The following PRKCB variants were observed in gnomAD, a reference collection of about 807,000 sequenced individuals.
The protein encoded by PRKCB is protein kinase C beta type.
A neutral mutation model predicts 81.5 loss-of-function variants in PRKCB; 13 were observed. That is an observed-to-expected ratio of 0.16 (90% CI 0.10 to 0.25). The LOEUF (loss-of-function observed/expected upper bound fraction) is 0.25. PRKCB is among the 10% of genes least tolerant of loss of function. PRKCB has a pLI of 1.00. For missense variants in PRKCB, 509 were observed against 875.7 expected, an observed-to-expected ratio of 0.58 and a Z score of 5.29; for synonymous variants, 335 against 321.4, an observed-to-expected ratio of 1.04 and a Z score of -0.45.
At chr16:23,931,895 TA>T (rs368346905) in intron 2 of PRKCB, among the ~76,000 whole-genome samples, 3 of 152,340 alleles carry the variant, frequency 2.0e-5, no homozygotes, top group African/African-American at 7.2e-5. Context: ...TCCATTTCCA[TA>T]CTGGATGTTT....
chr16:23,894,714 T>A (rs1463111895), intron 2 of PRKCB, among the ~76,000 whole-genome samples: 1 of 152,198 alleles, frequency 6.6e-6, no homozygotes, highest in Admixed American at 6.5e-5. Flanking sequence ...AAAATGTATG[T>A]TCATTGTAAA....
intron 3 of PRKCB, among the ~76,000 whole-genome samples, chr16:23,990,176 T>C (rs1964864710): frequency 1.3e-5 from 2 of 152,058 alleles, no homozygotes; most frequent in South Asian, 2.1e-4. Flanking sequence ...GCTTTTTTTT[T>C]GGCCAGGCAC....
chr16:24,038,379 A>C (rs184177032), intron 5 of PRKCB, among the ~76,000 whole-genome samples: 104 of 152,368 alleles, frequency 6.8e-4, no homozygotes, highest in African/African-American at 2.4e-3. Context: ...AGGCAAATGT[A>C]TAAAGAAGTT....
chr16:24,122,917 G>A (rs1014991060), intron 8 of PRKCB, among the ~76,000 whole-genome samples: 2 of 152,162 alleles, frequency 1.3e-5, no homozygotes, highest in South Asian at 4.1e-4. Context: ...CTCATGGCAA[G>A]GAGTCCCTCT....
chr16:24,149,013 G>GA (rs1967035128), intron 9 of PRKCB, among the ~76,000 whole-genome samples: 3 of 152,182 alleles, frequency 2.0e-5, no homozygotes, highest in African/African-American at 7.2e-5. Flanking sequence ...GATTGGGAAT[G>GA]ATCACTGGTT....
intron 9 of PRKCB, among the ~76,000 whole-genome samples, chr16:24,141,738 A>G (rs1449642392): frequency 2.0e-5 from 3 of 152,204 alleles, no homozygotes; most frequent in Non-Finnish European, 4.4e-5. Flanking sequence ...CCTATCTGCC[A>G]CAGAGCATGT....
Position 23,910,845 on chromosome 16 carries a change from G to T in PRKCB, c.205+73439G>T, listed in dbSNP as rs1299884570. On this transcript the variant is annotated intron_variant, in intron 2 of 16. Transcript: ENST00000643927. Reference sequence around the variant, plus strand: ...TCCATTTTTTTTCTCTCTTCCCTGCGGCCCCTGGTAACCAACAAACTAATT... The same window carrying T: ...TCCATTTTTTTTCTCTCTTCCCTGCTGCCCCTGGTAACCAACAAACTAATT... 3.3e-5 allele frequency among the ~76,000 whole-genome samples: 5 copies of T among 151,794 alleles called. No homozygotes were observed. In the East Asian group the frequency reaches 9.7e-4, roughly 29 times the overall value.
chr16:24,120,474 G>A (rs568816410), intron 8 of PRKCB, among the ~76,000 whole-genome samples: 1 of 152,270 alleles, frequency 6.6e-6, no homozygotes, highest in South Asian at 2.1e-4. Flanking sequence ...GTGGGGAAGA[G>A]GGGATCTCAA....
chr16:24,068,778 T>C (rs1041625382), intron 5 of PRKCB, among the ~76,000 whole-genome samples: 1 of 152,168 alleles, frequency 6.6e-6, no homozygotes, highest in African/African-American at 2.4e-5. Flanking sequence ...ATTTGTTTGG[T>C]TCAGAAAATT....
chr16:24,094,795 TGAAG>T (rs1337840881), intron 7 of PRKCB, among the ~76,000 whole-genome samples: 1 of 90,780 alleles, frequency 1.1e-5, no homozygotes, highest in South Asian at 3.2e-4. Flanking sequence ...AGAGAAGGAA[TGAAG>T]GAAGGGAGGG....
rs1963539438 is a variant in PRKCB at position 23,905,087 on chromosome 16, T to C, written c.205+67681T>C. On this transcript the variant is annotated intron_variant, in intron 2 of 16. Transcript: ENST00000643927. ...AAAAAAAATAGCACAGCTCGGAGTCTTGCTTGCTGACTTACTGCTAGAGTG... is the reference window on the plus strand; with the variant it reads ...AAAAAAAATAGCACAGCTCGGAGTCCTGCTTGCTGACTTACTGCTAGAGTG... 2.0e-5 allele frequency among the ~76,000 whole-genome samples: 3 copies of C among 149,426 alleles called. No individual in the cohort carries two copies. The Admixed American group carries it at 2.0e-4, about 10-fold the overall frequency.
chr16:23,920,196 G>A (rs1249138321), intron 2 of PRKCB, among the ~76,000 whole-genome samples: 1 of 152,076 alleles, frequency 6.6e-6, no homozygotes, highest in Non-Finnish European at 1.5e-5. Flanking sequence ...CCATTTAATG[G>A]GTATGAGGTG....
At chr16:24,144,605 C>T (rs182979454) in intron 9 of PRKCB, among the ~76,000 whole-genome samples, 1 of 152,298 alleles carries the variant, frequency 6.6e-6, no homozygotes, top group East Asian at 1.9e-4. Flanking sequence ...CCGGCCACTA[C>T]ATTCATTTTT....
chr16:24,141,087 G>A (rs1029498774), intron 9 of PRKCB, among the ~76,000 whole-genome samples: 1 of 152,202 alleles, frequency 6.6e-6, no homozygotes, highest in Non-Finnish European at 1.5e-5. Flanking sequence ...CATGCCTTAT[G>A]TCATGAAATC....
At chr16:24,185,261 A>G in intron 14 of PRKCB, 70 bp downstream of exon 14, 3 of 1,449,824 alleles carry the variant, frequency 2.1e-6, no homozygotes, top group Non-Finnish European at 2.9e-6. Context: ...CTTTAGGAGA[A>G]TGCATGTTTG....
rs1382781957 is a variant in PRKCB at position 24,154,810 on chromosome 16, G to A, written c.1192G>A (p.Gly398Arg). 4 of 1,613,964 alleles carry A rather than the reference G, an allele frequency of 2.5e-6. No homozygotes were observed. Among genetic ancestry groups the A allele is most frequent in the Non-Finnish European group, 3.4e-6 (4 of 1,179,846 alleles). ...MVEKRVLALP[G>R]KPPFLTQLHS... ...GGAGAAGCGGGTGTTGGCCCTGCCT[G>A]GGAAGCCGCCCTTCCTGACCCAGCT... Residue 398 changes from glycine (G) to arginine (R), a missense_variant, in exon 10 of 17, where the codon GGG (glycine) becomes AGG (arginine). By Grantham distance (125) the Gly-to-Arg change is moderately radical. This residue lies in a region of PRKCB where 106 missense variants were observed against 214.0 expected (regional missense o/e 0.50). Coordinates refer to ENST00000643927, the MANE Select transcript of PRKCB (RefSeq NM_002738.7).
chr16:23,935,867 A>G (rs180723112), intron 2 of PRKCB, among the ~76,000 whole-genome samples: 1 of 152,250 alleles, frequency 6.6e-6, no homozygotes, highest in Non-Finnish European at 1.5e-5. Flanking sequence ...ACACTGGACT[A>G]CTGGAAGTTA....
At chr16:23,934,726 G>C (rs900204485) in intron 2 of PRKCB, among the ~76,000 whole-genome samples, 2 of 152,126 alleles carry the variant, frequency 1.3e-5, no homozygotes, top group African/African-American at 4.8e-5. Context: ...TGGTGGTGAT[G>C]GGGGCACTAG....
chr16:23,951,297 A>G (rs536006498), intron 2 of PRKCB, among the ~76,000 whole-genome samples: 5 of 152,204 alleles, frequency 3.3e-5, no homozygotes, highest in Non-Finnish European at 5.9e-5. Context: ...ATTTTTGCCA[A>G]TCTAATGGAT....
Sources: allele counts gnomAD v4.1 joint callset (sites outside exome capture counted in the v4.1 genomes callset), GRCh38; gene constraint gnomAD v4.1.1; regional missense constraint gnomAD v4.1.1; transcripts MANE v1.5; gene names NCBI Gene and HGNC (gene_info 2026-07-23, HGNC 2026-07-21).